Variants in RNF213 observed in about 807,000 individuals in gnomAD.
RNF213 encodes ring finger protein 213.
Under a neutral mutation model 514.4 loss-of-function variants are expected in RNF213, and 341 were observed. The ratio of observed to expected loss-of-function variants is 0.66; its 90% confidence interval spans 0.61 to 0.73. The LOEUF (loss-of-function observed/expected upper bound fraction) is 0.73. Among genes scored for constraint, RNF213 ranks in the 30% least tolerant of loss-of-function variants. The pLI, the probability that RNF213 is intolerant of heterozygous loss-of-function variation, is 0.00. For synonymous variants in RNF213, 2,655 were observed against 2,658.2 expected (o/e 1.00, Z 0.04); for missense variants, 5,767 against 6,615.6 (o/e 0.87, Z 4.45).
intron 60 of RNF213, among the ~76,000 whole-genome samples, 176 bp downstream of exon 60, chr17:80,385,347 C>G (rs180795827): frequency 1.5e-4 from 23 of 152,308 alleles, no homozygotes; most frequent in Admixed American, 1.4e-3. Context: ...TAGAAGCTTT[C>G]GCCACAGCTG....
chr17:80,278,642 G>A (rs1314399842), intron 3 of RNF213: 1 of 1,243,222 alleles, frequency 8.0e-7, no homozygotes. Flanking sequence ...CCACATGTGG[G>A]TGTCCCTGCC....
intron 17 of RNF213, among the ~76,000 whole-genome samples, 163 bp from the exon 18 acceptor site, chr17:80,324,867 G>T (rs997700179): frequency 1.3e-5 from 2 of 152,114 alleles, no homozygotes; most frequent in African/African-American, 4.8e-5. Context: ...GAAAATTTTC[G>T]AAGAAATGTA....
Position 80,377,181 on chromosome 17 carries a change from T to G in RNF213, c.13510+218T>G, listed in dbSNP as rs75694445. 2,265 of 576,894 alleles carry G rather than the reference T, an allele frequency of 3.9e-3. 38 individuals are homozygous for G. The highest frequency in any genetic ancestry group is 0.038 in the African/African-American group (2,018 of 53,616). The allele number at this position is 576,894 out of a possible 1,614,324, so 35.7% of individuals were successfully genotyped here. On this transcript the variant is annotated intron_variant, in intron 53 of 67. Coordinates refer to ENST00000582970, the MANE Select transcript of RNF213 (RefSeq NM_001256071.3). The surrounding 1 kb of genome is among the most constrained non-coding windows in gnomAD (Gnocchi z 4.1). ...CAAACCATTTCATTTCTTTGTCGTGTGGAAAAGGCCCTCTGTGATGCACTT... is the reference window on the plus strand; with the variant it reads ...CAAACCATTTCATTTCTTTGTCGTGGGGAAAAGGCCCTCTGTGATGCACTT...
At chr17:80,349,679 C>T (rs1472743832) in intron 29 of RNF213, 91 bp from the exon 30 acceptor site, 16 of 1,387,202 alleles carry the variant, frequency 1.2e-5, no homozygotes, top group South Asian at 7.0e-5. Context: ...CGCTGAACAT[C>T]GCAGGTTTCT....
chr17:80,290,432 CGTGTGTGCAT>C (rs2044667586), intron 6 of RNF213, 128 bp from the exon 7 acceptor site: 35 of 996,874 alleles, frequency 3.5e-5, no homozygotes, highest in Non-Finnish European at 4.8e-5. Context: ...CGAGTGTGCG[CGTGTGTGCAT>C]GTGTGTGTGC....
intron 38 of RNF213, 135 bp downstream of exon 38, chr17:80,360,341 A>T: frequency 1.0e-6 from 1 of 1,002,114 alleles, no homozygotes; most frequent in Admixed American, 2.0e-5. Context: ...TTGTTTGTGC[A>T]GTAAGCGTCC....
Position 80,345,244 on chromosome 17 carries a change from C to T in RNF213, c.6909C>T (p.His2303=), listed in dbSNP as rs1168315036. The change falls in exon 29 of 68, where the codon CAC becomes CAT. Residue 2303 remains histidine (H), a synonymous_variant. Transcript: ENST00000582970. The surrounding 1 kb of genome is among the most constrained non-coding windows in gnomAD (Gnocchi z 6.0). ...GGAAGAGGTGGGAGTCGGAGCCTCA[C>T]CCATACGTTTTCTTCAATGACGACC... is the stretch of plus-strand genomic sequence containing the variant. ...SLRKRWESEP[H]PYVFFNDDHT... is the part of the protein sequence containing the mutation. 1 of 1,614,090 alleles carries T rather than the reference C, an allele frequency of 6.2e-7. No homozygotes were observed.
Position 80,383,032 on chromosome 17 carries a change from GA to G in RNF213, c.14036del (p.Lys4679ArgfsTer6). On this transcript the variant is annotated frameshift_variant, in exon 58 of 68. Transcript: ENST00000582970. LOFTEE classifies it high-confidence loss of function. ...AACTAAAGAAATGAGGAACAACTGG[GA>G]AAAGGAAATCGCAGCTGTGATTTCT... Reference protein sequence around the residue: ...LSTKEMRNNWEKEIAAVISPE... With the variant: ...LSTKEMRNNWXKEIAAVISPE... The G allele has an allele frequency of 6.2e-7, 1 of 1,614,012 alleles. No individual in the cohort carries two copies. The highest frequency in any genetic ancestry group is 8.5e-7 in the Non-Finnish European group (1 of 1,179,904).
chr17:80,317,076 C>T lies in RNF213; in HGVS notation c.2812-112C>T, dbSNP rs536375808. On this transcript the variant is annotated intron_variant, in intron 15 of 67. Transcript: ENST00000582970. The surrounding 1 kb of genome is among the most constrained non-coding windows in gnomAD (Gnocchi z 4.1). ...AGGTTGGGGAGAGCCCTGGTGTTCG[C>T]GGAGTCCCGCGCTCTCTGTATTGCC... The T allele has an allele frequency of 1.4e-4, 162 of 1,160,364 alleles. 1 individual carries two copies. The Admixed American group carries it at 2.9e-3, about 21-fold the overall frequency. 71.9% of individuals were successfully genotyped at this position (1,160,364 alleles called of 1,614,324 possible).
chr17:80,329,239 G>A (rs2046352899), intron 20 of RNF213, among the ~76,000 whole-genome samples: 1 of 152,236 alleles, frequency 6.6e-6, no homozygotes, highest in South Asian at 2.1e-4. Context: ...GGCTTCCTGA[G>A]AAAAGGGCGT....
In RNF213 at chr17:80,396,585, G is replaced by C. The variant is rs1364036352; in HGVS notation, c.*3087G>C. 1.3e-5 allele frequency: 2 copies of C among 152,188 alleles called. No individual in the cohort carries two copies. The highest frequency in any genetic ancestry group is 2.4e-5 in the African/African-American group (1 of 41,428). The allele number at this position is 152,188 out of a possible 1,614,324, so 9.4% of individuals were successfully genotyped here. ...GGTGGCTGGAGAAAACCTGAGCCTC[G>C]AGCTGAGTAACAATCCAAGCCATGA... is the stretch of plus-strand genomic sequence containing the variant. On this transcript the variant is annotated 3_prime_UTR_variant, in exon 68 of 68. Coordinates refer to ENST00000582970, the MANE Select transcript of RNF213 (RefSeq NM_001256071.3).
chr17:80,345,117 A>ATT lies in RNF213; in HGVS notation c.6785_6786dup (p.Ala2263LeufsTer28). 6.2e-7 allele frequency: 1 copy of ATT among 1,613,962 alleles called. No individual in the cohort carries two copies. The highest frequency in any genetic ancestry group is 8.5e-7 in the Non-Finnish European group (1 of 1,179,994). ...ACCTTCATGATCTTTATGGCAAGAG[A>ATT]TTTTGCCACACCATCACTCCACACC... On this transcript the variant is annotated frameshift_variant, in exon 29 of 68. Coordinates refer to ENST00000582970, the MANE Select transcript of RNF213 (RefSeq NM_001256071.3). LOFTEE classifies it high-confidence loss of function. The surrounding 1 kb of genome is among the most constrained non-coding windows in gnomAD (Gnocchi z 6.0).
intron 42 of RNF213, among the ~76,000 whole-genome samples, chr17:80,366,743 TAGAG>T (rs1189643042): frequency 3.9e-5 from 6 of 152,170 alleles, no homozygotes; most frequent in African/African-American, 1.2e-4. Context: ...TTTCAAAATG[TAGAG>T]AGAAAGCATT....
intron 36 of RNF213, 93 bp downstream of exon 36, chr17:80,354,669 G>A (rs78979716): frequency 6.7e-7 from 1 of 1,483,720 alleles, no homozygotes; most frequent in African/African-American, 1.4e-5. Context: ...GGGCCATGGG[G>A]ACTGAGCTGT....
chr17:80,324,626 A>G (rs2143891040), intron 17 of RNF213, among the ~76,000 whole-genome samples: 1 of 152,286 alleles, frequency 6.6e-6, no homozygotes, highest in Non-Finnish European at 1.5e-5. Context: ...TAAAATGTAT[A>G]TGTTGTTTGT....
chr17:80,381,188 T>G (rs1459539870), intron 56 of RNF213: 1 of 647,502 alleles, frequency 1.5e-6, no homozygotes, highest in African/African-American at 1.8e-5. Context: ...CCCCAGATTA[T>G]ACAGAATCCA....
Position 80,361,871 on chromosome 17 carries a change from A to G in RNF213, c.11338A>G (p.Thr3780Ala), listed in dbSNP as rs756767720. 5.0e-6 allele frequency: 8 copies of G among 1,613,192 alleles called. No homozygotes were observed. The highest frequency in any genetic ancestry group is 3.3e-4 in the Middle Eastern group (2 of 6,058). The change falls in exon 39 of 68, where the codon ACG (threonine) becomes GCG (alanine). Residue 3780 changes from threonine to alanine, a missense_variant. This residue lies in a region of RNF213 where 355 missense variants were observed against 358.0 expected (regional missense o/e 0.99). Transcript: ENST00000582970. ...CATTCTCTTGACCATGCGTGTGTCA[A>G]CGGAGGAGGAATTAAAGGTAGATGT... ...DFILLTMRVS[T>A]EEELKFLQMA...
chr17:80,353,769 G>C lies in RNF213; in HGVS notation c.10578+103G>C. ...GGGAGCTAGAGGAGTCGCCGCCGCT[G>C]TGCAGGGGTGAGGATGGCGCCCCAC... On this transcript the variant is annotated intron_variant, in intron 34 of 67. Transcript: ENST00000582970. The surrounding 1 kb of genome is among the most constrained non-coding windows in gnomAD (Gnocchi z 5.0). 1.3e-6 allele frequency: 2 copies of C among 1,494,666 alleles called. No individual in the cohort carries two copies. Among genetic ancestry groups the C allele is most frequent in the Non-Finnish European group, 1.9e-6 (2 of 1,074,734 alleles). 92.6% of individuals were successfully genotyped at this position (1,494,666 alleles called of 1,614,324 possible).
At chr17:80,351,016 G>A (rs952856370) in intron 31 of RNF213, among the ~76,000 whole-genome samples, 1 of 152,188 alleles carries the variant, frequency 6.6e-6, no homozygotes, top group African/African-American at 2.4e-5. Context: ...GGGGAAGTCT[G>A]ATGCTCTTAG....
Sources: allele counts gnomAD v4.1 joint callset (sites outside exome capture counted in the v4.1 genomes callset), GRCh38; gene constraint gnomAD v4.1.1; regional missense constraint gnomAD v4.1.1; non-coding constraint Gnocchi (gnomAD v3.1); transcripts MANE v1.5; gene names NCBI Gene and HGNC (gene_info 2026-07-23, HGNC 2026-07-21).